Variants in ASCC3 observed in about 807,000 individuals in gnomAD.
ASCC3 encodes the protein ASC-1 complex subunit P200.
A neutral mutation model predicts 256.3 loss-of-function variants in ASCC3; 158 were observed. The ratio of observed to expected loss-of-function variants is 0.62; its 90% CI spans 0.54 to 0.70. The LOEUF (loss-of-function observed/expected upper bound fraction) is 0.70. ASCC3 is among the 30% of genes least tolerant of loss of function. The probability of loss-of-function intolerance (pLI) is 0.00; values close to 1 mark genes in which losing one functional copy is unlikely to be tolerated. For synonymous variants in ASCC3, 948 were observed against 883.4 expected (o/e 1.07, Z -1.30); for missense variants, 2,259 against 2,626.0 (o/e 0.86, Z 3.05).
Position 100,824,816 on chromosome 6 carries a change from T to G in ASCC3, c.802-18936A>C, listed in dbSNP as rs903405295. Among the ~76,000 whole-genome samples the G allele has an allele frequency of 2.6e-5, 4 of 152,170 alleles. 1 individual carries two copies. The highest frequency in any genetic ancestry group is 2.6e-4 in the Admixed American group (4 of 15,284). On this transcript the variant is annotated intron_variant, in intron 4 of 41. Transcript: ENST00000369162. Reference sequence around the variant, plus strand: ...CTGCAATTAGATTTAAAAACTCATGTGTACTTGCATAAATAAGATGGAGAA... The same window carrying G: ...CTGCAATTAGATTTAAAAACTCATGGGTACTTGCATAAATAAGATGGAGAA...
chr6:100,594,107 T>C (rs1274334123), intron 34 of ASCC3, among the ~76,000 whole-genome samples: 1 of 152,138 alleles, frequency 6.6e-6, no homozygotes, highest in Non-Finnish European at 1.5e-5. Context: ...GTTTTACTTT[T>C]GGTGTGCTGT....
intron 13 of ASCC3, among the ~76,000 whole-genome samples, chr6:100,682,047 T>C (rs1402291421): frequency 6.6e-6 from 1 of 152,178 alleles, no homozygotes; most frequent in African/African-American, 2.4e-5. Flanking sequence ...TCCAGTTCTA[T>C]CATTCTATCT....
chr6:100,833,860 T>C (rs1393058958), intron 4 of ASCC3, among the ~76,000 whole-genome samples: 1 of 152,076 alleles, frequency 6.6e-6, no homozygotes, highest in Non-Finnish European at 1.5e-5. Context: ...GGTGGATCAC[T>C]TGAGGTCAGG....
At chr6:100,698,792 G>A (rs1420509938) in intron 13 of ASCC3, among the ~76,000 whole-genome samples, 1 of 152,146 alleles carries the variant, frequency 6.6e-6, no homozygotes, top group Non-Finnish European at 1.5e-5. Context: ...ACATCTCAAA[G>A]TTGTTTTCCC....
rs748399640 is a variant in ASCC3, at chr6:100,805,920, C to G, written c.802-40G>C. 8 of 1,593,578 alleles carry G rather than the reference C, an allele frequency of 5.0e-6. No individual in the cohort carries two copies. In the East Asian group the frequency reaches 9.0e-5, roughly 18 times the overall value. ...AAAAAGTAACAAACATCAGTTATCT[C>G]AAAGTTTAACTTTTTCAAGTTATTA... On this transcript the variant is annotated intron_variant, in intron 4 of 41. Transcript: ENST00000369162.
At chr6:100,687,627 A>C (rs1430040460) in intron 13 of ASCC3, among the ~76,000 whole-genome samples, 1 of 152,130 alleles carries the variant, frequency 6.6e-6, no homozygotes, top group East Asian at 1.9e-4. Flanking sequence ...TATGGTAATA[A>C]GATAGTATAT....
chr6:100,688,581 G>A lies in ASCC3; in HGVS notation c.2152-8829C>T, dbSNP rs529094870. Reference sequence around the variant, plus strand: ...TGCTTCCAGATACAAGTGCTGTGATGCCTTATCCTTTTGGGCATCCAAATA... The same window carrying A: ...TGCTTCCAGATACAAGTGCTGTGATACCTTATCCTTTTGGGCATCCAAATA... On this transcript the variant is annotated intron_variant, in intron 13 of 41. Coordinates refer to ENST00000369162, the MANE Select transcript of ASCC3 (RefSeq NM_006828.4). Among the ~76,000 whole-genome samples, 7 of 152,208 alleles carry A rather than the reference G, an allele frequency of 4.6e-5. No homozygotes were observed. The South Asian group carries it at 1.5e-3, about 32-fold the overall frequency.
chr6:100,831,077 T>C (rs1771595723), intron 4 of ASCC3, among the ~76,000 whole-genome samples: 1 of 152,160 alleles, frequency 6.6e-6, no homozygotes. Context: ...TTTCAAGTTT[T>C]AGAATATTTA....
chr6:100,581,364 G>A (rs1771247423), intron 36 of ASCC3, among the ~76,000 whole-genome samples: 1 of 151,886 alleles, frequency 6.6e-6, no homozygotes. Flanking sequence ...GTGTTTTTTT[G>A]GCTGCATAAA....
chr6:100,542,153 A>C (rs551235594), intron 36 of ASCC3, among the ~76,000 whole-genome samples: 2 of 152,342 alleles, frequency 1.3e-5, no homozygotes, highest in East Asian at 3.9e-4. Context: ...ATAAACTATA[A>C]ATCTATAGAT....
At chr6:100,628,553 T>C (rs1774369222) in intron 27 of ASCC3, among the ~76,000 whole-genome samples, 1 of 152,062 alleles carries the variant, frequency 6.6e-6, no homozygotes, top group South Asian at 2.1e-4. Flanking sequence ...TGAGACCTAG[T>C]TGTTTAAAAG....
intron 1 of ASCC3, among the ~76,000 whole-genome samples, chr6:100,874,195 C>T (rs932507416): frequency 1.2e-4 from 19 of 152,010 alleles, no homozygotes; most frequent in African/African-American, 4.3e-4. Context: ...AGGCTGGGCG[C>T]GGTGGCTCAC....
At chr6:100,624,459 C>CA (rs1260086235) in intron 30 of ASCC3, among the ~76,000 whole-genome samples, 2 of 151,694 alleles carry the variant, frequency 1.3e-5, no homozygotes, top group African/African-American at 4.8e-5. Context: ...TATAATATAT[C>CA]AATAAGTTGC....
At chr6:100,666,287 A>G (rs577918310) in intron 14 of ASCC3, among the ~76,000 whole-genome samples, 1 of 152,270 alleles carries the variant, frequency 6.6e-6, no homozygotes, top group South Asian at 2.1e-4. Context: ...ATAAACATTC[A>G]TGTACACTTT....
chr6:100,778,842 G>A (rs530308583), intron 8 of ASCC3, among the ~76,000 whole-genome samples: 1 of 152,078 alleles, frequency 6.6e-6, no homozygotes, highest in African/African-American at 2.4e-5. Context: ...TAATATCATA[G>A]ATCTCACATA....
At chr6:100,608,400 TA>T (rs370104637) in intron 30 of ASCC3, among the ~76,000 whole-genome samples, 694 of 21,562 alleles carry the variant, frequency 0.032, 20 homozygotes, top group East Asian at 0.046. Flanking sequence ...ATGTATACCT[TA>T]TATATATATA....
chr6:100,847,745 C>A (rs1772452339), intron 4 of ASCC3, among the ~76,000 whole-genome samples: 1 of 152,178 alleles, frequency 6.6e-6, no homozygotes, highest in African/African-American at 2.4e-5. Context: ...TAAAGTGTCA[C>A]AACCAGTAAG....
intron 14 of ASCC3, among the ~76,000 whole-genome samples, chr6:100,676,317 A>G (rs577145674): frequency 6.6e-6 from 1 of 152,170 alleles, no homozygotes; most frequent in Non-Finnish European, 1.5e-5. Flanking sequence ...AATAGGTATT[A>G]TTTACTCCAT....
chr6:100,567,251 G>A (rs897422830), intron 36 of ASCC3, among the ~76,000 whole-genome samples: 1 of 151,898 alleles, frequency 6.6e-6, no homozygotes, highest in African/African-American at 2.4e-5. Flanking sequence ...GCATATCTAT[G>A]CATAGTAATA....
Sources: allele counts gnomAD v4.1 joint callset (sites outside exome capture counted in the v4.1 genomes callset), GRCh38; gene constraint gnomAD v4.1.1; transcripts MANE v1.5; gene names NCBI Gene and HGNC (gene_info 2026-07-23, HGNC 2026-07-21).